DMD: variants seen among roughly 807,000 people sequenced by gnomAD.
The protein encoded by DMD is dystrophin.
In DMD, 63 loss-of-function variants were observed where a neutral mutation model predicts 330.1. The observed-to-expected ratio is 0.19, with a 90% CI of 0.16 to 0.24. The LOEUF (loss-of-function observed/expected upper bound fraction) is 0.24, where lower values mean the gene tolerates loss of function less well. Ranked by LOEUF, DMD falls within the 10% of genes least tolerant of loss-of-function variation. The pLI is 1.00. For synonymous variants in DMD, 1,223 were observed against 959.8 expected (o/e 1.27, Z -5.07); for missense variants, 3,344 against 2,684.1 (o/e 1.25, Z -5.43).
chrX:31,483,649 T>C (rs1298780124), intron 57 of DMD, among the ~76,000 whole-genome samples: 2 of 112,018 alleles, frequency 1.8e-5, no homozygotes, highest in African/African-American at 6.5e-5. Context: ...TATTTTCACA[T>C]TGTTGCCTGA....
rs767367928 is a variant in DMD at position 31,748,601 on chromosome X, TACA to T, written c.7543-18856_7543-18854del. On this transcript the variant is annotated intron_variant, in intron 51 of 78. Coordinates refer to ENST00000357033, the MANE Select transcript of DMD (RefSeq NM_004006.3). ...CAAACTCCTACAGCGTAGCAATTAC[TACA>T]ACAAGAGTAATAACTAGTTATTGTG... 5.3e-5 allele frequency among the ~76,000 whole-genome samples: 6 copies of T among 112,238 alleles called. No individual in the cohort carries two copies. The South Asian group carries it at 1.9e-3, about 35-fold the overall frequency.
chrX:31,817,269 A>G (rs915015207), intron 50 of DMD, among the ~76,000 whole-genome samples: 3 of 112,191 alleles, frequency 2.7e-5, no homozygotes. Flanking sequence ...ACAGTACATG[A>G]AATAATAAAC....
At chrX:32,298,936 C>T (rs996681590) in intron 42 of DMD, among the ~76,000 whole-genome samples, 5 of 111,326 alleles carry the variant, frequency 4.5e-5, no homozygotes, top group Non-Finnish European at 9.4e-5. Flanking sequence ...AAATTCAAGT[C>T]TACAGGTTGG....
chrX:32,577,218 T>C (rs1042634388), intron 13 of DMD, among the ~76,000 whole-genome samples: 2 of 111,821 alleles, frequency 1.8e-5, no homozygotes, highest in African/African-American at 3.3e-5. Flanking sequence ...CACGTGAGGA[T>C]ACAGGAACAA....
chrX:33,124,066 T>C (rs1201597240), intron 1 of DMD, among the ~76,000 whole-genome samples: 1 of 110,292 alleles, frequency 9.1e-6, no homozygotes, highest in African/African-American at 3.3e-5. Flanking sequence ...CTTGGGAGGC[T>C]GAGGCAGAAG....
At chrX:31,717,880 G>A (rs1242275318) in intron 52 of DMD, among the ~76,000 whole-genome samples, 1 of 111,487 alleles carries the variant, frequency 9.0e-6, no homozygotes. Context: ...TCCTTTCCTC[G>A]ACCAGTTCTA....
chrX:32,289,556 G>A (rs1254861155), intron 42 of DMD, among the ~76,000 whole-genome samples: 5 of 110,925 alleles, frequency 4.5e-5, no homozygotes, highest in Admixed American at 9.6e-5. Flanking sequence ...AACAAGATAC[G>A]GGTCACAAAG....
At chrX:31,622,513 T>C (rs1170660463) in intron 55 of DMD, among the ~76,000 whole-genome samples, 3 of 110,912 alleles carry the variant, frequency 2.7e-5, no homozygotes. Context: ...AAAGCACCTT[T>C]CTTGGGGCCC....
At chrX:32,447,539 G>A (rs1037059050) in intron 27 of DMD, among the ~76,000 whole-genome samples, 7 of 111,690 alleles carry the variant, frequency 6.3e-5, no homozygotes, top group Non-Finnish European at 1.1e-4. Context: ...TTTTAAAGGT[G>A]TACTTTATTA....
chrX:32,590,275 C>T (rs139223754), intron 13 of DMD, among the ~76,000 whole-genome samples: 1,402 of 112,270 alleles, frequency 0.012, 9 homozygotes, highest in Middle Eastern at 0.052. Flanking sequence ...AGAAACCATA[C>T]CAGTGAGCAT....
At chrX:32,971,416 G>A (rs181162006) in intron 2 of DMD, among the ~76,000 whole-genome samples, 14 of 111,479 alleles carry the variant, frequency 1.3e-4, no homozygotes, top group African/African-American at 4.6e-4. Context: ...TAAGTGGCAT[G>A]TGAAGAAAAA....
At chrX:31,180,763 A>C (rs1292667094) in intron 68 of DMD, among the ~76,000 whole-genome samples, 3 of 111,890 alleles carry the variant, frequency 2.7e-5, no homozygotes, top group Non-Finnish European at 3.8e-5. Context: ...GAGATTAAGT[A>C]GGAAGGTACT....
chrX:31,350,605 G>GTT (rs1412130080), intron 60 of DMD, among the ~76,000 whole-genome samples: 2 of 46,317 alleles, frequency 4.3e-5, no homozygotes, highest in Admixed American at 4.0e-4. Flanking sequence ...GTGTGTGTGT[G>GTT]TGTGTGTGTG....
chrX:32,739,424 G>GA (rs1249394811), intron 7 of DMD, among the ~76,000 whole-genome samples: 1 of 111,828 alleles, frequency 8.9e-6, no homozygotes, highest in African/African-American at 3.3e-5. Context: ...ATGAAACTGA[G>GA]AAAAACACAA....
intron 45 of DMD, among the ~76,000 whole-genome samples, chrX:31,952,420 T>A (rs2095194208): frequency 9.4e-6 from 1 of 106,431 alleles, no homozygotes. Context: ...GATTGGATAA[T>A]TTTTATTTAT....
intron 44 of DMD, among the ~76,000 whole-genome samples, chrX:32,105,523 T>C (rs1371554011): frequency 8.9e-6 from 1 of 112,197 alleles, no homozygotes; most frequent in Non-Finnish European, 1.9e-5. Context: ...TTTGCTCTTA[T>C]ACACATTTTA....
At chrX:31,344,014 GCT>G (rs929627291) in intron 61 of DMD, among the ~76,000 whole-genome samples, 14 of 89,575 alleles carry the variant, frequency 1.6e-4, no homozygotes, top group African/African-American at 6.3e-4. Context: ...TCAGGGTCTT[GCT>G]CTGTCACACA....
rs374871728 is a variant in DMD at position 32,386,379 on chromosome X, C to T, written c.4605G>A (p.Thr1535=). The change falls in exon 33 of 79, where the codon ACG becomes ACA. Residue 1535 remains threonine, a synonymous_variant. Coordinates refer to ENST00000357033, the MANE Select transcript of DMD (RefSeq NM_004006.3). The part of the protein sequence containing the change: ...TGRQIVQKKQ[T]ENPKELDERV... ...TTTCATCAAGTTCTTTGGGATTTTC[C>T]GTCTGCTTTTTCTGTACAATCTGAC... 3.4e-5 allele frequency: 41 copies of T among 1,206,805 alleles called. No homozygotes were observed. In the African/African-American group the frequency reaches 3.5e-4, roughly 10 times the overall value.
chrX:31,694,306 A>G (rs1188650372), intron 52 of DMD, among the ~76,000 whole-genome samples: 1 of 110,347 alleles, frequency 9.1e-6, no homozygotes, highest in African/African-American at 3.3e-5. Flanking sequence ...CTACAAAAAC[A>G]TAAGAGAAGA....
Sources: gnomAD v4.1 joint callset for allele counts (sites outside exome capture counted in the v4.1 genomes callset) on GRCh38, gnomAD v4.1.1 for gene constraint, MANE v1.5 for transcripts, NCBI Gene and HGNC (gene_info 2026-07-23, HGNC 2026-07-21) for gene names.